Variants in HIP1R observed in about 807,000 individuals in gnomAD.
HIP1R encodes the protein huntingtin-interacting protein 1-related protein.
Under a neutral mutation model 144.2 loss-of-function variants are expected in HIP1R, and 135 were observed. The observed-to-expected ratio is 0.94, with a 90% CI of 0.81 to 1.08. The LOEUF (loss-of-function observed/expected upper bound fraction) is 1.08, where lower values mean the gene tolerates loss of function less well. HIP1R is among the 50% of genes least tolerant of loss of function. HIP1R has a pLI of 0.00. For missense variants in HIP1R, 1,462 were observed against 1,432.8 expected (o/e 1.02, Z -0.33); for synonymous variants, 698 against 612.8 (o/e 1.14, Z -2.05).
At position 122,854,802 on chromosome 12, in the gene HIP1R, A is replaced by G. The variant is rs960169069; in HGVS notation, c.719-103A>G. The G allele has an allele frequency of 1.0e-5, 13 of 1,256,042 alleles. No homozygotes were observed. In the African/African-American group the frequency reaches 2.0e-4, roughly 19 times the overall value. 77.8% of individuals were successfully genotyped at this position (1,256,042 alleles called of 1,614,324 possible). A position where few individuals can be genotyped will look rare whatever the true frequency, so the allele number is the denominator to read the frequency against. On this transcript the variant is annotated intron_variant, in intron 8 of 31. Transcript: ENST00000253083. ...AGCGGGCCTGGCCCGGTCTCAGGTG[A>G]TCTCTGATCTGTGAGTTTGTAGCAT...
At chr12:122,855,763 G>A in intron 12 of HIP1R, 68 bp from the exon 13 acceptor site, 1 of 1,530,158 alleles carries the variant, frequency 6.5e-7, no homozygotes, top group Non-Finnish European at 8.9e-7. Flanking sequence ...GGAGGAGACA[G>A]GTTCCTGTGC....
At position 122,848,090 on chromosome 12, in the gene HIP1R, C is replaced by T. The variant is rs1273560830; in HGVS notation, c.153C>T (p.Ala51=). 6.2e-7 allele frequency: 1 copy of T among 1,613,438 alleles called. No individual in the cohort carries two copies. The highest frequency in any genetic ancestry group is 8.5e-7 in the Non-Finnish European group (1 of 1,179,936). The change falls in exon 2 of 32, where the codon GCC becomes GCT. Residue 51 remains alanine, a synonymous_variant. Transcript: ENST00000253083. ...AGGCCCCCGTGAAGGAGAAGCACGC[C>T]CGGCGTATCCTTGGCCGGCTCTTGG... ...TQEAPVKEKH[A]RRIILGTHHE... is the part of the protein sequence containing the mutation.
rs1267058408 is a variant in HIP1R at position 122,848,555 on chromosome 12, A to G, written c.247A>G (p.Ser83Gly). 1 of 1,613,242 alleles carries G rather than the reference A, an allele frequency of 6.2e-7. No individual in the cohort carries two copies. Among genetic ancestry groups the G allele is most frequent in the South Asian group, 1.1e-5 (1 of 91,084 alleles). ...GLPLPSSSIL[S>G]WKFCHVLHKV... ...GCCGCTGCCCAGCAGCTCCATTCTC[A>G]GCTGGAAGTTCTGCCACGTCCTCCA... The change falls in exon 3 of 32, where the codon AGC (serine) becomes GGC (glycine). Residue 83 changes from serine to glycine, a missense_variant. By Grantham distance (56) the Ser-to-Gly change is moderately conservative. Transcript: ENST00000253083.
At chr12:122,860,310 C>T in intron 26 of HIP1R, 100 bp downstream of exon 26, 2 of 1,541,322 alleles carry the variant, frequency 1.3e-6, no homozygotes, top group Non-Finnish European at 1.8e-6. Flanking sequence ...CACAGGGAGG[C>T]CTCAGGGATG....
At position 122,856,707 on chromosome 12, in the gene HIP1R, C is replaced by T. The variant is rs2033594421; in HGVS notation, c.1601C>T (p.Ala534Val). 1 of 1,580,972 alleles carries T rather than the reference C, an allele frequency of 6.3e-7. No homozygotes were observed. The highest frequency in any genetic ancestry group is 8.6e-7 in the Non-Finnish European group (1 of 1,163,946). ...KAGELARAQE[A>V]LSHTEQSKSE... ...GGAGAGCTGGCCCGCGCGCAGGAGG[C>T]CCTGAGCCACACAGAGCAGGTGCAT... The change falls in exon 17 of 32, where the codon GCC becomes GTC. Residue 534 changes from alanine (A) to valine (V), a missense_variant. This residue lies in a region of HIP1R where 1,112 missense variants were observed against 1,011.7 expected (regional missense o/e 1.10). Coordinates refer to ENST00000253083, the MANE Select transcript of HIP1R (RefSeq NM_003959.3).
At chr12:122,855,167 C>G in intron 10 of HIP1R, 39 bp downstream of exon 10, 1 of 1,611,196 alleles carries the variant, frequency 6.2e-7, no homozygotes, top group Non-Finnish European at 8.5e-7. Flanking sequence ...CTTTGAGGAC[C>G]CCAGGCACCT....
In HIP1R at chr12:122,856,953, G is replaced by A. The variant is rs150935874; in HGVS notation, c.1621-68G>A. The A allele has an allele frequency of 0.012, 17,604 of 1,451,600 alleles. 178 individuals are homozygous for A. The highest frequency in any genetic ancestry group is 0.038 in the Middle Eastern group (157 of 4,178). 89.9% of individuals were successfully genotyped at this position (1,451,600 alleles called of 1,614,324 possible). On this transcript the variant is annotated intron_variant, in intron 17 of 31. Coordinates refer to ENST00000253083, the MANE Select transcript of HIP1R (RefSeq NM_003959.3). Reference sequence around the variant, plus strand: ...CTAACCCCCAGGGCCCAGTTTATAAGCGTGGGGGCAGGGTGGGTGGGGCCT... The same window carrying A: ...CTAACCCCCAGGGCCCAGTTTATAAACGTGGGGGCAGGGTGGGTGGGGCCT...
Position 122,855,411 on chromosome 12 carries a change from C to G in HIP1R, c.993+6C>G, listed in dbSNP as rs771266003. 2 of 1,559,274 alleles carry G rather than the reference C, an allele frequency of 1.3e-6. No homozygotes were observed. Among genetic ancestry groups the G allele is most frequent in the Non-Finnish European group, 1.7e-6 (2 of 1,152,894 alleles). ...CCCCCGCGGGGGAGCCAGTGGTGAGCCCCCTGCCCAGCCCGTGTCCCCCAG... is the reference window on the plus strand; with the variant it reads ...CCCCCGCGGGGGAGCCAGTGGTGAGGCCCCTGCCCAGCCCGTGTCCCCCAG... On this transcript the variant is annotated splice_donor_region_variant and intron_variant, in intron 11 of 31. Coordinates refer to ENST00000253083, the MANE Select transcript of HIP1R (RefSeq NM_003959.3).
chr12:122,854,340 G>GAAAA (rs5801492), intron 8 of HIP1R, among the ~76,000 whole-genome samples, 157 bp downstream of exon 8: 2 of 128,580 alleles, frequency 1.6e-5, no homozygotes, highest in African/African-American at 5.8e-5. Context: ...TATATTTTAT[G>GAAAA]AAAAAAAAAA....
intron 18 of HIP1R, chr12:122,857,441 T>C (rs1406912599): frequency 1.7e-6 from 1 of 604,302 alleles, no homozygotes; most frequent in African/African-American, 1.8e-5. Context: ...TACTCTGCCG[T>C]GTGGACAGAC....
chr12:122,849,700 G>C (rs2033318103), intron 4 of HIP1R, among the ~76,000 whole-genome samples, 175 bp from the exon 5 acceptor site: 1 of 152,268 alleles, frequency 6.6e-6, no homozygotes, highest in Non-Finnish European at 1.5e-5. Flanking sequence ...GGAATGACAA[G>C]GAGGAAGATT....
At chr12:122,835,359 CGGG>C, upstream of HIP1R, 1 of 921,028 alleles carries the variant, frequency 1.1e-6, no homozygotes, top group South Asian at 5.8e-5. Context: ...TTTGCGGGCG[CGGG>C]GGGCGGGTTT....
At chr12:122,861,253 A>G (rs1198432431) in intron 30 of HIP1R, 55 bp from the exon 31 acceptor site, 5 of 1,613,192 alleles carry the variant, frequency 3.1e-6, no homozygotes, top group Non-Finnish European at 4.2e-6. Context: ...GCCTGGACCC[A>G]GGAGAGAGCT....
chr12:122,859,569 C>T (rs772976879), intron 23 of HIP1R, 33 bp downstream of exon 23: 10 of 1,557,732 alleles, frequency 6.4e-6, no homozygotes, highest in East Asian at 2.3e-5. Flanking sequence ...CCCCTCATTC[C>T]TGTGGAGCTT....
rs548641281 is a variant in HIP1R, at chr12:122,856,279, C to T, written c.1336C>T (p.Arg446Cys). The T allele has an allele frequency of 9.9e-6, 16 of 1,613,804 alleles. No individual in the cohort carries two copies. In the East Asian group the frequency reaches 1.1e-4, roughly 11 times the overall value. Residue 446 changes from arginine to cysteine, a missense_variant, in exon 15 of 32, where the codon CGC becomes TGC. By Grantham distance (180) the Arg-to-Cys change is radical. Coordinates refer to ENST00000253083, the MANE Select transcript of HIP1R (RefSeq NM_003959.3). Reference protein sequence around the residue: ...AERKASATEARYNKLKEKHSE... With the variant: ...AERKASATEACYNKLKEKHSE... ...AGGGAAGGCCAGTGCCACGGAGGCG[C>T]GCTACAACAAGCTGAAGGAAAAGCA...
chr12:122,856,389 C>T (rs368141496), intron 15 of HIP1R, 43 bp from the exon 16 acceptor site: 98 of 1,609,746 alleles, frequency 6.1e-5, no homozygotes, highest in Admixed American at 6.7e-5. Context: ...CAGGGCCTCT[C>T]GGGGATGGCA....
Position 122,856,644 on chromosome 12 carries a change from AG to A in HIP1R, c.1539del (p.Gln513HisfsTer23). ...TCCCAGCTAGAGGAGAAGAGCGACCAGCTGGAGAAGCTCAAGAGGGAGCTGG... is the reference window on the plus strand; with the variant it reads ...TCCCAGCTAGAGGAGAAGAGCGACCACTGGAGAAGCTCAAGAGGGAGCTGG... ...SELKLEEKSD[Q>X]LEKLKRELEA... On this transcript the variant is annotated frameshift_variant, in exon 17 of 32. Coordinates refer to ENST00000253083, the MANE Select transcript of HIP1R (RefSeq NM_003959.3). LOFTEE classifies it high-confidence loss of function. 1 of 1,604,974 alleles carries A rather than the reference AG, an allele frequency of 6.2e-7. No homozygotes were observed. Among genetic ancestry groups the A allele is most frequent in the Non-Finnish European group, 8.5e-7 (1 of 1,175,934 alleles).
intron 24 of HIP1R, 43 bp downstream of exon 24, chr12:122,859,873 T>TC (rs141830762): frequency 1.9e-6 from 3 of 1,579,018 alleles, no homozygotes; most frequent in Non-Finnish European, 2.6e-6. Flanking sequence ...CGAGGTGGGC[T>TC]CCCCGTGGCC....
intron 23 of HIP1R, 48 bp downstream of exon 23, chr12:122,859,584 G>A: frequency 6.7e-7 from 1 of 1,497,580 alleles, no homozygotes; most frequent in Non-Finnish European, 9.2e-7. Flanking sequence ...GAGCTTTGGG[G>A]GCCGGAGGCC....
Sources: gnomAD v4.1 joint callset for allele counts (sites outside exome capture counted in the v4.1 genomes callset) on GRCh38, gnomAD v4.1.1 for gene constraint, gnomAD v4.1.1 regional missense constraint, MANE v1.5 for transcripts, NCBI Gene and HGNC (gene_info 2026-07-23, HGNC 2026-07-21) for gene names.